The following STK39 variants were observed in gnomAD, a reference collection of about 807,000 sequenced individuals.
STK39 encodes the protein serine/threonine kinase 39, also known as STE20/SPS1-related proline-alanine-rich protein kinase.
STK39 carries 20 observed loss-of-function variants against 77.8 expected under a neutral mutation model. The observed-to-expected ratio is 0.26, with a 90% CI of 0.18 to 0.37. STK39 has a LOEUF of 0.37. Among genes scored for constraint, STK39 ranks in the 10% least tolerant of loss-of-function variants. The pLI is 1.00. For missense variants in STK39, 479 were observed against 656.5 expected, an observed-to-expected ratio of 0.73 and a Z score of 2.95; for synonymous variants, 246 against 234.1, an observed-to-expected ratio of 1.05 and a Z score of -0.47.
chr2:168,081,767 T>C (rs984131052), intron 10 of STK39, among the ~76,000 whole-genome samples: 1 of 152,060 alleles, frequency 6.6e-6, no homozygotes, highest in Non-Finnish European at 1.5e-5. Flanking sequence ...AATTGAATTA[T>C]GGGGACAAGT....
chr2:168,049,876 C>T (rs1431255667), intron 14 of STK39, among the ~76,000 whole-genome samples: 6 of 152,156 alleles, frequency 3.9e-5, no homozygotes, highest in Non-Finnish European at 7.4e-5. Flanking sequence ...GTTAGAAACA[C>T]ACTACTCATG....
At chr2:168,090,911 C>T (rs1022024994) in intron 10 of STK39, among the ~76,000 whole-genome samples, 1 of 151,996 alleles carries the variant, frequency 6.6e-6, no homozygotes, top group African/African-American at 2.4e-5. Context: ...GAAGATACTG[C>T]GAGGAAAGGC....
At chr2:168,110,075 A>G (rs1687081633) in intron 10 of STK39, among the ~76,000 whole-genome samples, 1 of 152,176 alleles carries the variant, frequency 6.6e-6, no homozygotes. Flanking sequence ...TCTTTTATAG[A>G]TAGACCCTTT....
At chr2:168,071,141 T>A (rs1201335787) in intron 12 of STK39, among the ~76,000 whole-genome samples, 1 of 152,154 alleles carries the variant, frequency 6.6e-6, no homozygotes, top group East Asian at 1.9e-4. Flanking sequence ...CCTTACTCTG[T>A]CTAAACATGG....
intron 1 of STK39, among the ~76,000 whole-genome samples, chr2:168,221,939 C>T (rs1288202170): frequency 6.6e-6 from 1 of 152,158 alleles, no homozygotes; most frequent in African/African-American, 2.4e-5. Flanking sequence ...CTCCACTCTT[C>T]CCACCCTGTT....
chr2:168,144,997 A>T (rs1688099057), intron 5 of STK39, among the ~76,000 whole-genome samples: 2 of 152,004 alleles, frequency 1.3e-5, no homozygotes, highest in Non-Finnish European at 2.9e-5. Flanking sequence ...AAAAAAAAGA[A>T]TATTCCCACC....
At chr2:168,013,269 T>C (rs1226974555) in intron 15 of STK39, among the ~76,000 whole-genome samples, 2 of 152,114 alleles carry the variant, frequency 1.3e-5, no homozygotes, top group East Asian at 3.9e-4. Flanking sequence ...CTTAGAAAAA[T>C]GTGGTTGAAT....
intron 16 of STK39, among the ~76,000 whole-genome samples, chr2:168,008,406 G>A (rs1684185833): frequency 1.3e-5 from 2 of 152,214 alleles, no homozygotes; most frequent in South Asian, 4.1e-4. Flanking sequence ...CTGAGCACCT[G>A]GAAAGGTGGA....
intron 1 of STK39, among the ~76,000 whole-genome samples, chr2:168,214,933 G>A (rs1282438253): frequency 1.3e-5 from 2 of 152,144 alleles, no homozygotes; most frequent in African/African-American, 4.8e-5. Flanking sequence ...TTTGTCATTT[G>A]CTGTTTTTAC....
At chr2:168,056,594 C>G (rs1159597649) in intron 14 of STK39, among the ~76,000 whole-genome samples, 1 of 152,142 alleles carries the variant, frequency 6.6e-6, no homozygotes, top group Non-Finnish European at 1.5e-5. Context: ...ATACTACTTC[C>G]CAATACCCGG....
chr2:168,045,703 G>A (rs1056944190), intron 14 of STK39, among the ~76,000 whole-genome samples: 1 of 152,132 alleles, frequency 6.6e-6, no homozygotes, highest in Non-Finnish European at 1.5e-5. Context: ...AAAATAACCA[G>A]ACATCAGCTA....
intron 5 of STK39, among the ~76,000 whole-genome samples, chr2:168,141,770 C>T (rs141640171): frequency 6.6e-6 from 1 of 152,154 alleles, no homozygotes; most frequent in African/African-American, 2.4e-5. Context: ...TTTTCCTTTG[C>T]GAGTCCCCCT....
intron 1 of STK39, among the ~76,000 whole-genome samples, chr2:168,206,306 T>C (rs1246567761): frequency 6.6e-6 from 1 of 151,464 alleles, no homozygotes; most frequent in African/African-American, 2.4e-5. Flanking sequence ...TTCTTTCTTT[T>C]TTTTTTTTTT....
intron 16 of STK39, among the ~76,000 whole-genome samples, chr2:167,972,650 C>T (rs971197619): frequency 6.6e-6 from 1 of 151,988 alleles, no homozygotes; most frequent in African/African-American, 2.4e-5. Context: ...ATTTGGCTAG[C>T]CAGGGTTGGA....
intron 1 of STK39, among the ~76,000 whole-genome samples, chr2:168,191,992 C>G (rs1689351877): frequency 6.6e-6 from 1 of 152,014 alleles, no homozygotes; most frequent in Non-Finnish European, 1.5e-5. Context: ...TGAAGAGGAG[C>G]CCTTTCTGAA....
chr2:168,124,002 G>A (rs1687476937), intron 10 of STK39, among the ~76,000 whole-genome samples: 1 of 152,076 alleles, frequency 6.6e-6, no homozygotes, highest in Non-Finnish European at 1.5e-5. Context: ...GTGGGGCCAA[G>A]GGCCTTGGGG....
At chr2:168,016,003 A>T (rs1392094884) in intron 15 of STK39, among the ~76,000 whole-genome samples, 3 of 152,092 alleles carry the variant, frequency 2.0e-5, no homozygotes, top group Admixed American at 6.6e-5. Context: ...TCTTGACTCA[A>T]TGCACTCTCT....
chr2:168,012,313 C>T (rs529646866), intron 16 of STK39, among the ~76,000 whole-genome samples: 10 of 151,978 alleles, frequency 6.6e-5, no homozygotes, highest in South Asian at 2.1e-4. Flanking sequence ...GTTGAGATTA[C>T]GGGCGTACAC....
chr2:167,997,874 C>A (rs1250763160), intron 16 of STK39, among the ~76,000 whole-genome samples: 1 of 152,068 alleles, frequency 6.6e-6, no homozygotes, highest in Non-Finnish European at 1.5e-5. Context: ...ATGAAAATTT[C>A]TACGCCATGA....
Sources: gnomAD v4.1 joint callset for allele counts (sites outside exome capture counted in the v4.1 genomes callset) on GRCh38, gnomAD v4.1.1 for gene constraint, MANE v1.5 for transcripts, NCBI Gene and HGNC (gene_info 2026-07-23, HGNC 2026-07-21) for gene names.